Variants in CAST observed in about 807,000 individuals in gnomAD.
CAST encodes the protein calpastatin.
A neutral mutation model predicts 119.6 loss-of-function variants in CAST; 76 were observed. The observed-to-expected ratio is 0.64, with a 90% CI of 0.53 to 0.77. CAST has a LOEUF of 0.77. Ranked by LOEUF, CAST falls within the 30% of genes least tolerant of loss-of-function variation. The pLI, the probability that CAST is intolerant of heterozygous loss-of-function variation, is 0.00. For missense variants in CAST, 953 were observed against 946.5 expected (o/e 1.01, Z -0.09); for synonymous variants, 319 against 331.6 (o/e 0.96, Z 0.41).
the CAST span, among the ~76,000 whole-genome samples, chr5:96,354,552 T>TA: frequency 1.9e-4 from 28 of 146,628 alleles, no homozygotes; most frequent in East Asian, 3.9e-4. Context: ...TGTTGAAATG[T>TA]AAAAAAAAAA....
chr5:96,561,798 T>TTTTTTTG, intron 1 of CAST, among the ~76,000 whole-genome samples: 1 of 86,628 alleles, frequency 1.2e-5, no homozygotes, highest in African/African-American at 4.0e-5. Context: ...TTTTTTTTGT[T>TTTTTTTG]TTTTTTTTTT....
At chr5:96,426,554 A>G in the CAST span, among the ~76,000 whole-genome samples, 1 of 152,206 alleles carries the variant, frequency 6.6e-6, no homozygotes, top group South Asian at 2.1e-4. Context: ...AGTCTCATGT[A>G]TTATGCAAAG....
At chr5:96,085,687 C>A in the CAST span, among the ~76,000 whole-genome samples, 5 of 152,180 alleles carry the variant, frequency 3.3e-5, no homozygotes, top group Non-Finnish European at 5.9e-5. Flanking sequence ...CTTAACTAGA[C>A]GTGAAATGTG....
At chr5:96,566,264 G>C (rs1474469880) in intron 1 of CAST, among the ~76,000 whole-genome samples, 2 of 152,172 alleles carry the variant, frequency 1.3e-5, no homozygotes, top group Non-Finnish European at 2.9e-5. Context: ...TTGGAGAAAA[G>C]CAACTTTGGA....
chr5:96,294,610 C>T, the CAST span, among the ~76,000 whole-genome samples: 1 of 152,210 alleles, frequency 6.6e-6, no homozygotes, highest in African/African-American at 2.4e-5. Context: ...AGCATTTATG[C>T]AGATTCTAGA....
the CAST span, among the ~76,000 whole-genome samples, chr5:96,454,411 C>G: frequency 6.6e-6 from 1 of 152,190 alleles, no homozygotes; most frequent in South Asian, 2.1e-4. Context: ...TTTATTAACA[C>G]AAAAGAGGTG....
chr5:96,153,223 C>T, the CAST span, among the ~76,000 whole-genome samples: 1 of 152,180 alleles, frequency 6.6e-6, no homozygotes, highest in African/African-American at 2.4e-5. Context: ...GAACACCAGC[C>T]CTGCAGTCCT....
the CAST span, among the ~76,000 whole-genome samples, chr5:96,130,134 CA>C: frequency 6.8e-6 from 1 of 146,366 alleles, no homozygotes; most frequent in African/African-American, 2.5e-5. Flanking sequence ...AATGGAGAAA[CA>C]TAACAAACAC....
chr5:96,272,430 A>T, the CAST span, among the ~76,000 whole-genome samples: 2 of 152,234 alleles, frequency 1.3e-5, no homozygotes, highest in Non-Finnish European at 2.9e-5. Flanking sequence ...TTTAACCATA[A>T]AAAGAATGAA....
At chr5:96,060,166 G>A in the CAST span, among the ~76,000 whole-genome samples, 2 of 152,174 alleles carry the variant, frequency 1.3e-5, no homozygotes, top group Non-Finnish European at 2.9e-5. Context: ...ATCAGAAAGA[G>A]TTTGCATTCA....
At chr5:96,099,055 A>G in the CAST span, among the ~76,000 whole-genome samples, 1 of 152,146 alleles carries the variant, frequency 6.6e-6, no homozygotes, top group Non-Finnish European at 1.5e-5. Flanking sequence ...AGTGAGCTGT[A>G]TTCCTAGGTA....
chr5:96,737,753 G>A (rs1014336688), intron 10 of CAST, 96 bp from the exon 11 acceptor site: 1 of 627,288 alleles, frequency 1.6e-6, no homozygotes, highest in African/African-American at 1.9e-5. Context: ...TTGGTGTTTG[G>A]TGGTTTTTCT....
chr5:96,756,950 T>G (rs1363165620), intron 22 of CAST, among the ~76,000 whole-genome samples: 2 of 152,218 alleles, frequency 1.3e-5, no homozygotes, highest in Non-Finnish European at 2.9e-5. Context: ...AAGGCCTTTG[T>G]GCGATTTTCT....
At chr5:96,082,567 T>C in the CAST span, among the ~76,000 whole-genome samples, 2 of 152,236 alleles carry the variant, frequency 1.3e-5, no homozygotes, top group African/African-American at 4.8e-5. Flanking sequence ...CTACTTATTT[T>C]AGTAACTTTA....
the CAST span, among the ~76,000 whole-genome samples, chr5:95,991,004 A>C: frequency 6.6e-6 from 1 of 152,206 alleles, no homozygotes; most frequent in Non-Finnish European, 1.5e-5. Flanking sequence ...CACAGGAGAG[A>C]GTCCCAGAAG....
Position 96,588,196 on chromosome 5 carries a change from C to CTTTTTTTTTTTTTTTTTTTTT in CAST, c.60+58320_60+58340dup, listed in dbSNP as rs140665192. Among the ~76,000 whole-genome samples, 41 of 75,842 alleles carry CTTTTTTTTTTTTTTTTTTTTT rather than the reference C, an allele frequency of 5.4e-4. 3 individuals carry two copies. The highest frequency in any genetic ancestry group is 1.6e-3 in the African/African-American group (25 of 16,026). 49.8% of individuals were successfully genotyped at this position (75,842 alleles called of 152,430 possible). On this transcript the variant is annotated intron_variant, in intron 1 of 11. Transcript: ENST00000505143. ...TATTATTTTCTTTCTTTCTTTCTTT[C>CTTTTTTTTTTTTTTTTTTTTT]TTTTTTTTTTTTTTTTTTTTTTTTG...
Position 96,695,818 on chromosome 5 carries a change from A to C in CAST, c.139-18A>C. 6.3e-7 allele frequency: 1 copy of C among 1,579,066 alleles called. No homozygotes were observed. The highest frequency in any genetic ancestry group is 8.7e-7 in the Non-Finnish European group (1 of 1,149,430). On this transcript the variant is annotated intron_variant, in intron 2 of 31. Coordinates refer to ENST00000675179, the MANE Select transcript of CAST (RefSeq NM_001750.7). Reference sequence around the variant, plus strand: ...AAGGTGTTTTCCCCCATTGAAACTAATATTTTCTATTTTCAAGAAAAAAGC... The same window carrying C: ...AAGGTGTTTTCCCCCATTGAAACTACTATTTTCTATTTTCAAGAAAAAAGC...
the CAST span, among the ~76,000 whole-genome samples, chr5:96,076,621 GT>G: frequency 6.6e-6 from 1 of 152,252 alleles, no homozygotes; most frequent in Non-Finnish European, 1.5e-5. Context: ...TTAGGGCAGG[GT>G]TTTAGGAAGT....
chr5:96,488,739 G>A, the CAST span, among the ~76,000 whole-genome samples: 1 of 152,214 alleles, frequency 6.6e-6, no homozygotes, highest in Admixed American at 6.5e-5. Context: ...GAGGAAGGAT[G>A]TAACAGAATC....
Sources: gnomAD v4.1 joint callset for allele counts (sites outside exome capture counted in the v4.1 genomes callset) on GRCh38, gnomAD v4.1.1 for gene constraint, MANE v1.5 for transcripts, NCBI Gene and HGNC (gene_info 2026-07-23, HGNC 2026-07-21) for gene names.